Variants in ANKFY1 observed in about 807,000 individuals in gnomAD.
ANKFY1 encodes ankyrin repeat and FYVE domain-containing protein 1.
In ANKFY1, 47 loss-of-function variants were observed where a neutral mutation model predicts 128.3. That is an observed-to-expected ratio of 0.37 (90% CI 0.29 to 0.47). The LOEUF (loss-of-function observed/expected upper bound fraction) is 0.47. Ranked by LOEUF, ANKFY1 falls within the 20% of genes least tolerant of loss-of-function variation. ANKFY1 has a pLI of 1.00. For missense variants in ANKFY1, 1,222 were observed against 1,510.6 expected (o/e 0.81, Z 3.17); for synonymous variants, 553 against 601.6 (o/e 0.92, Z 1.18).
chr17:4,218,239 G>C (rs2143026196), intron 3 of ANKFY1, among the ~76,000 whole-genome samples: 1 of 152,040 alleles, frequency 6.6e-6, no homozygotes, highest in East Asian at 1.9e-4. Flanking sequence ...AAAATAACTG[G>C]ACAGATAAAG....
intron 3 of ANKFY1, chr17:4,223,465 C>A: frequency 8.4e-7 from 1 of 1,193,330 alleles, no homozygotes; most frequent in East Asian, 2.3e-5. Flanking sequence ...AAGTTAAGAT[C>A]ACAGACAATG....
In ANKFY1 at chr17:4,165,956, T is replaced by A. The variant is rs528386403; in HGVS notation, c.*1823A>T. ...CTTCCTTATGGCCCTTTCCAGGTAA[T>A]AGAAAATGGAAACTGACCACATGCC... is the stretch of plus-strand genomic sequence containing the variant. On this transcript the variant is annotated 3_prime_UTR_variant, in exon 25 of 25. Transcript: ENST00000341657. 11 of 152,296 alleles carry A rather than the reference T, an allele frequency of 7.2e-5. No homozygotes were observed. The highest frequency in any genetic ancestry group is 5.2e-4 in the Admixed American group (8 of 15,296). The allele number at this position is 152,296 out of a possible 1,614,324, so 9.4% of individuals were successfully genotyped here. A position where few individuals can be genotyped will look rare whatever the true frequency, so the allele number is the denominator to read the frequency against.
At chr17:4,220,927 C>T (rs543309158) in intron 3 of ANKFY1, among the ~76,000 whole-genome samples, 3 of 152,268 alleles carry the variant, frequency 2.0e-5, no homozygotes, top group Admixed American at 6.5e-5. Context: ...CCGAGTCCTG[C>T]GTGAGGGAGG....
At chr17:4,207,482 G>C (rs1407484357) in intron 6 of ANKFY1, among the ~76,000 whole-genome samples, 1 of 152,126 alleles carries the variant, frequency 6.6e-6, no homozygotes, top group Non-Finnish European at 1.5e-5. Context: ...AGCAGGAAAT[G>C]GATTCTCCTC....
intron 7 of ANKFY1, among the ~76,000 whole-genome samples, chr17:4,198,129 T>A (rs2168019): frequency 0.011 from 1,639 of 147,712 alleles, 27 homozygotes; most frequent in African/African-American, 0.023. Context: ...AACTCCGTCT[T>A]AAAAAAAAAA....
chr17:4,256,244 G>C (rs184883392), intron 1 of ANKFY1, among the ~76,000 whole-genome samples: 20 of 152,082 alleles, frequency 1.3e-4, no homozygotes, highest in South Asian at 6.2e-4. Flanking sequence ...CTGGCTAACA[G>C]AGTGAAACCC....
intron 7 of ANKFY1, among the ~76,000 whole-genome samples, chr17:4,203,779 C>T (rs2059973903): frequency 6.9e-6 from 1 of 144,372 alleles, no homozygotes; most frequent in African/African-American, 2.6e-5. Flanking sequence ...CGAGCCATTG[C>T]ACTCCAGCCT....
At chr17:4,183,353 T>C (rs2059549571) in intron 14 of ANKFY1, 45 bp downstream of exon 14, 3 of 1,594,480 alleles carry the variant, frequency 1.9e-6, no homozygotes, top group Non-Finnish European at 2.6e-6. Context: ...GACATCTCAA[T>C]TAATTGTTAC....
intron 3 of ANKFY1, among the ~76,000 whole-genome samples, chr17:4,218,418 T>C (rs1051557708): frequency 2.6e-5 from 4 of 152,194 alleles, no homozygotes; most frequent in African/African-American, 9.7e-5. Context: ...ATTTACTACA[T>C]AGGCTTTTTG....
intron 3 of ANKFY1, among the ~76,000 whole-genome samples, chr17:4,219,844 AG>A (rs1454054408): frequency 9.2e-5 from 14 of 151,956 alleles, no homozygotes; most frequent in African/African-American, 2.7e-4. Flanking sequence ...TTTTTGAGAC[AG>A]AGTTTTGCTC....
At chr17:4,191,295 A>C (rs1209454496) in intron 10 of ANKFY1, 1 of 152,144 alleles carries the variant, frequency 6.6e-6, no homozygotes, top group South Asian at 2.1e-4. Flanking sequence ...CTCCTAGTTG[A>C]TGGTTAATCT....
At chr17:4,220,972 GAAAAA>G (rs2060301194) in intron 3 of ANKFY1, among the ~76,000 whole-genome samples, 2 of 152,188 alleles carry the variant, frequency 1.3e-5, no homozygotes, top group Admixed American at 1.3e-4. Flanking sequence ...ATGCAAGCCA[GAAAAA>G]TCTCTGACTT....
intron 1 of ANKFY1, 117 bp from the exon 2 acceptor site, chr17:4,242,565 C>G (rs1967302021): frequency 1.1e-6 from 1 of 886,800 alleles, no homozygotes; most frequent in Non-Finnish European, 1.7e-6. Flanking sequence ...TTGACCGTTC[C>G]ACTCTTTCTT....
At position 4,164,301 on chromosome 17, in the gene ANKFY1, A is replaced by C. The variant is rs1163098193; in HGVS notation, c.*3478T>G. ...ATGCCACACAAAAAAGGAATAGTAC[A>C]GGCAATGATCTTCCAAAGAAAGTCT... On this transcript the variant is annotated 3_prime_UTR_variant, in exon 25 of 25. Coordinates refer to ENST00000341657, the MANE Select transcript of ANKFY1 (RefSeq NM_001330063.2). The C allele has an allele frequency of 2.0e-5, 3 of 152,712 alleles. No homozygotes were observed. Among genetic ancestry groups the C allele is most frequent in the South Asian group, 2.1e-4 (1 of 4,838 alleles). The allele number at this position is 152,712 out of a possible 1,614,324, so 9.5% of individuals were successfully genotyped here.
chr17:4,170,883 A>T (rs1278954644), intron 22 of ANKFY1, 22 bp from the exon 23 acceptor site: 14 of 1,613,952 alleles, frequency 8.7e-6, no homozygotes, highest in Middle Eastern at 1.6e-4. Flanking sequence ...AAGCACGCGC[A>T]GGGCTACTTC....
chr17:4,170,671 T>G (rs755008788), intron 23 of ANKFY1, 44 bp downstream of exon 23: 2 of 1,573,472 alleles, frequency 1.3e-6, no homozygotes, highest in African/African-American at 2.7e-5. Context: ...ATCCCAACAC[T>G]ACGACTGTGC....
intron 22 of ANKFY1, among the ~76,000 whole-genome samples, chr17:4,172,029 C>T (rs946262002): frequency 2.0e-5 from 3 of 152,090 alleles, no homozygotes; most frequent in African/African-American, 7.2e-5. Context: ...AAAACGAACG[C>T]GAGAGTCACC....
At chr17:4,196,186 CA>C in intron 8 of ANKFY1, among the ~76,000 whole-genome samples, 1 of 115,864 alleles carries the variant, frequency 8.6e-6, no homozygotes, top group African/African-American at 2.9e-5. Flanking sequence ...CACACACACA[CA>C]CACACTGCGA....
intron 11 of ANKFY1, chr17:4,186,864 A>T (rs1375845469): frequency 9.8e-7 from 1 of 1,022,310 alleles, no homozygotes; most frequent in Admixed American, 5.8e-5. Flanking sequence ...CTTGCATCTA[A>T]TTTTCCCACT....
Sources: allele counts gnomAD v4.1 joint callset (sites outside exome capture counted in the v4.1 genomes callset), GRCh38; gene constraint gnomAD v4.1.1; transcripts MANE v1.5; gene names NCBI Gene and HGNC (gene_info 2026-07-23, HGNC 2026-07-21).